PCSK2: variants seen among roughly 807,000 people sequenced by gnomAD.
PCSK2 encodes the protein proprotein convertase subtilisin/kexin type 2, also known as neuroendocrine convertase 2.
A neutral mutation model predicts 69.7 loss-of-function variants in PCSK2; 14 were observed. The ratio of observed to expected loss-of-function variants is 0.20; its 90% CI spans 0.13 to 0.31. The LOEUF is 0.31. PCSK2 is among the 10% of genes least tolerant of loss of function. PCSK2 has a pLI of 1.00. For synonymous variants in PCSK2, 307 were observed against 320.7 expected, an observed-to-expected ratio of 0.96 and a Z score of 0.46; for missense variants, 544 against 842.5, an observed-to-expected ratio of 0.65 and a Z score of 4.39.
intron 5 of PCSK2, among the ~76,000 whole-genome samples, chr20:17,395,834 G>T (rs1211862067): frequency 6.6e-6 from 1 of 152,162 alleles, no homozygotes; most frequent in Non-Finnish European, 1.5e-5. Context: ...CAGCCCCTTC[G>T]ATGAGGTGAC....
intron 2 of PCSK2, among the ~76,000 whole-genome samples, chr20:17,298,520 G>A (rs993423300): frequency 2.0e-5 from 3 of 152,138 alleles, no homozygotes; most frequent in African/African-American, 7.2e-5. Context: ...AGCCCAAAAT[G>A]CCAATAGTGT....
chr20:17,415,753 G>A (rs2031985375), intron 6 of PCSK2, among the ~76,000 whole-genome samples: 1 of 152,148 alleles, frequency 6.6e-6, no homozygotes, highest in African/African-American at 2.4e-5. Flanking sequence ...GAACAAAGCT[G>A]GAGGCATCAC....
intron 2 of PCSK2, among the ~76,000 whole-genome samples, chr20:17,280,204 T>C (rs1988254890): frequency 6.6e-6 from 1 of 152,198 alleles, no homozygotes; most frequent in African/African-American, 2.4e-5. Context: ...ATTCCTTTCT[T>C]CCATTTAGTA....
At chr20:17,370,944 T>G (rs1416081313) in intron 5 of PCSK2, among the ~76,000 whole-genome samples, 1 of 152,000 alleles carries the variant, frequency 6.6e-6, no homozygotes, top group East Asian at 1.9e-4. Context: ...GGGTCGGTGG[T>G]CCTCCCTCCG....
intron 8 of PCSK2, among the ~76,000 whole-genome samples, chr20:17,437,142 G>GAC (rs2032500949): frequency 4.0e-5 from 6 of 151,694 alleles, no homozygotes; most frequent in Admixed American, 3.9e-4. Flanking sequence ...GGGGCCGGGG[G>GAC]GGGGAGGGTC....
At chr20:17,481,411 A>G (rs2023235) in intron 11 of PCSK2, among the ~76,000 whole-genome samples, 173 bp from the exon 12 acceptor site, 36,638 of 108,214 alleles carry the variant, frequency 0.34, 6,829 homozygotes, top group African/African-American at 0.39. Context: ...AAAAAAAAAA[A>G]AAAGAGATAA....
At chr20:17,480,261 C>T (rs1302959439) in intron 11 of PCSK2, among the ~76,000 whole-genome samples, 8 of 143,060 alleles carry the variant, frequency 5.6e-5, no homozygotes, top group African/African-American at 2.1e-4. Context: ...GCGATCTCGG[C>T]TCACTGCAAG....
chr20:17,380,208 A>T (rs766873769), intron 5 of PCSK2, among the ~76,000 whole-genome samples: 6 of 152,262 alleles, frequency 3.9e-5, no homozygotes, highest in Non-Finnish European at 7.3e-5. Context: ...CAATAAAAAA[A>T]CTAATACAAC....
chr20:17,340,021 T>G (rs1206539472), intron 2 of PCSK2, among the ~76,000 whole-genome samples: 1 of 152,206 alleles, frequency 6.6e-6, no homozygotes, highest in Non-Finnish European at 1.5e-5. Flanking sequence ...CAGGCCTAAG[T>G]TTATAGCTCT....
intron 5 of PCSK2, among the ~76,000 whole-genome samples, chr20:17,394,689 C>T (rs1183110506): frequency 6.6e-6 from 1 of 152,204 alleles, no homozygotes; most frequent in Non-Finnish European, 1.5e-5. Context: ...ACCAGTGTCC[C>T]ATAATTCACC....
chr20:17,254,157 G>T (rs1987093654), intron 1 of PCSK2, among the ~76,000 whole-genome samples: 1 of 152,064 alleles, frequency 6.6e-6, no homozygotes, highest in Non-Finnish European at 1.5e-5. Flanking sequence ...CAATCTGTGG[G>T]TTGTCTTTTC....
At chr20:17,243,427 T>C (rs533274844) in intron 1 of PCSK2, among the ~76,000 whole-genome samples, 2 of 151,948 alleles carry the variant, frequency 1.3e-5, no homozygotes, top group African/African-American at 2.4e-5. Context: ...CTCAAACTCC[T>C]GGGCTCAAAT....
In PCSK2 at chr20:17,250,847, C is replaced by A. The variant is rs560691784; in HGVS notation, c.178-9393C>A. The stretch of plus-strand genomic sequence containing the variant: ...AGATGCAGTGGCTCACACCTGTAAT[C>A]CCAGCACTTTAGGAGGTCAAGGCGG... On this transcript the variant is annotated intron_variant, in intron 1 of 11. Coordinates refer to ENST00000262545, the MANE Select transcript of PCSK2 (RefSeq NM_002594.5). Among the ~76,000 whole-genome samples, 5 of 152,228 alleles carry A rather than the reference C, an allele frequency of 3.3e-5. No individual in the cohort carries two copies. In the East Asian group the frequency reaches 7.7e-4, roughly 23 times the overall value.
intron 7 of PCSK2, among the ~76,000 whole-genome samples, chr20:17,429,819 C>T (rs373142307): frequency 4.6e-5 from 7 of 152,146 alleles, no homozygotes; most frequent in African/African-American, 1.7e-4. Context: ...GCACCCCAAA[C>T]ATGTCCCCTT....
intron 2 of PCSK2, among the ~76,000 whole-genome samples, chr20:17,326,328 C>A (rs1048445639): frequency 2.6e-5 from 4 of 152,092 alleles, no homozygotes; most frequent in African/African-American, 9.7e-5. Context: ...CTGTCAAAGT[C>A]ATCAAAAGCA....
At chr20:17,451,732 G>A (rs562177600) in intron 8 of PCSK2, among the ~76,000 whole-genome samples, 3 of 152,030 alleles carry the variant, frequency 2.0e-5, no homozygotes, top group South Asian at 4.2e-4. Flanking sequence ...GAATAATTAG[G>A]GTCACAATCA....
At chr20:17,434,708 C>A (rs1393167504) in intron 7 of PCSK2, among the ~76,000 whole-genome samples, 1 of 152,158 alleles carries the variant, frequency 6.6e-6, no homozygotes, top group Non-Finnish European at 1.5e-5. Context: ...GCAGCAGAAA[C>A]CTGCTTTGGC....
At chr20:17,298,462 T>C (rs1038342063) in intron 2 of PCSK2, among the ~76,000 whole-genome samples, 2 of 152,184 alleles carry the variant, frequency 1.3e-5, no homozygotes, top group African/African-American at 4.8e-5. Flanking sequence ...GGAATGCTGT[T>C]CAACATTCTA....
At chr20:17,456,623 G>A (rs373862239) in intron 10 of PCSK2, among the ~76,000 whole-genome samples, 175 bp downstream of exon 10, 3 of 152,152 alleles carry the variant, frequency 2.0e-5, no homozygotes, top group Non-Finnish European at 4.4e-5. Context: ...ACCAGCACAC[G>A]TGCGTGTGCA....
Sources: allele counts gnomAD v4.1 joint callset (sites outside exome capture counted in the v4.1 genomes callset), GRCh38; gene constraint gnomAD v4.1.1; transcripts MANE v1.5; gene names NCBI Gene and HGNC (gene_info 2026-07-23, HGNC 2026-07-21).